Variants in ERBIN observed in about 807,000 individuals in gnomAD.
The protein encoded by ERBIN is densin-180-like protein.
ERBIN carries 60 observed loss-of-function variants against 158.4 expected under a neutral mutation model. That is an observed-to-expected ratio of 0.38 (90% CI 0.31 to 0.47). The LOEUF (loss-of-function observed/expected upper bound fraction) is 0.47. Among genes scored for constraint, ERBIN ranks in the 20% least tolerant of loss-of-function variants. The probability of loss-of-function intolerance (pLI) is 0.99; values close to 1 mark genes in which losing one functional copy is unlikely to be tolerated. For synonymous variants in ERBIN, 594 were observed against 557.2 expected (o/e 1.07, Z -0.93); for missense variants, 1,610 against 1,648.0 (o/e 0.98, Z 0.40).
At chr5:66,008,644 C>G (rs757534662) in intron 4 of ERBIN, among the ~76,000 whole-genome samples, 1 of 152,012 alleles carries the variant, frequency 6.6e-6, no homozygotes, top group African/African-American at 2.4e-5. Context: ...TTATCATGTA[C>G]TAAAAATACT....
chr5:66,034,548 A>G (rs988590519), intron 14 of ERBIN, among the ~76,000 whole-genome samples: 2 of 151,450 alleles, frequency 1.3e-5, no homozygotes, highest in Admixed American at 1.3e-4. Context: ...CGGCCTCCCA[A>G]AGTGCTGGGA....
In ERBIN at chr5:66,025,905, A is replaced by G. The variant is rs750295561; in HGVS notation, c.948A>G (p.Ser316=). 3 of 1,591,938 alleles carry G rather than the reference A, an allele frequency of 1.9e-6. No individual in the cohort carries two copies. The highest frequency in any genetic ancestry group is 2.6e-6 in the Non-Finnish European group (3 of 1,168,456). The change falls in exon 12 of 26, where the codon TCA becomes TCG. Residue 316 remains serine (S), a synonymous_variant. Coordinates refer to ENST00000284037, the MANE Select transcript of ERBIN (RefSeq NM_001253697.2). The part of the protein sequence containing the change: ...CSFNEVEALP[S]SIGQLTNLRT... ...TCAATGAAGTTGAAGCTTTGCCTTC[A>G]TCTATTGGGCAGCTTACTAACTTAA...
intron 1 of ERBIN, among the ~76,000 whole-genome samples, chr5:65,967,890 C>T (rs1431331669): frequency 6.6e-6 from 1 of 152,056 alleles, no homozygotes; most frequent in Non-Finnish European, 1.5e-5. Context: ...GGCCATGAGC[C>T]AGAGCACCTG....
chr5:65,985,385 C>T (rs531205939), intron 1 of ERBIN, among the ~76,000 whole-genome samples: 13 of 152,224 alleles, frequency 8.5e-5, no homozygotes, highest in East Asian at 1.9e-4. Context: ...CCACCACGCC[C>T]GGCCCGACAT....
chr5:65,931,692 G>A lies in ERBIN; in HGVS notation c.-58+4886G>A, dbSNP rs137901000. The stretch of plus-strand genomic sequence containing the variant: ...TGTTTGGCTTAATAGAAAACAGCTC[G>A]ATTCTCATATCTGCTTCTTCACTCC... On this transcript the variant is annotated intron_variant, in intron 1 of 25. Transcript: ENST00000284037. Among the ~76,000 whole-genome samples, 76 of 152,150 alleles carry A rather than the reference G, an allele frequency of 5.0e-4. 1 individual carries two copies. The highest frequency in any genetic ancestry group is 3.1e-3 in the East Asian group (16 of 5,182).
Position 65,926,703 on chromosome 5 carries a change from C to G in ERBIN, c.-161C>G, listed in dbSNP as rs1742690640. 1 of 151,886 alleles carries G rather than the reference C, an allele frequency of 6.6e-6. No individual in the cohort carries two copies. The highest frequency in any genetic ancestry group is 6.6e-5 in the Admixed American group (1 of 15,236). 9.4% of individuals were successfully genotyped at this position (151,886 alleles called of 1,614,324 possible). ...GAGGCCAGTCCACATCCGCTCTCAC[C>G]CGAGAGAGATATTCAGCTGGATCCA... On this transcript the variant is annotated 5_prime_UTR_variant, in exon 1 of 26. Coordinates refer to ENST00000284037, the MANE Select transcript of ERBIN (RefSeq NM_001253697.2).
At chr5:66,012,649 A>T (rs1356825468) in intron 5 of ERBIN, among the ~76,000 whole-genome samples, 1 of 152,234 alleles carries the variant, frequency 6.6e-6, no homozygotes, top group Non-Finnish European at 1.5e-5. Flanking sequence ...CCTGGCACCA[A>T]GGCTGTTAAG....
Position 66,038,499 on chromosome 5 carries a change from C to T in ERBIN, c.1306+17C>T, listed in dbSNP as rs747848043. 3.2e-5 allele frequency: 49 copies of T among 1,549,264 alleles called. No homozygotes were observed. Among genetic ancestry groups the T allele is most frequent in the African/African-American group, 1.1e-4 (8 of 72,570 alleles). On this transcript the variant is annotated intron_variant, in intron 15 of 25. Transcript: ENST00000284037. Reference sequence around the variant, plus strand: ...CTGAGGATGGTAGGAATTTCATAATCGATTTTCTTGTTAAAAACAAATACT... The same window carrying T: ...CTGAGGATGGTAGGAATTTCATAATTGATTTTCTTGTTAAAAACAAATACT...
At chr5:65,948,761 C>CTTTTT (rs1561282947) in intron 1 of ERBIN, among the ~76,000 whole-genome samples, 1 of 44,422 alleles carries the variant, frequency 2.3e-5, no homozygotes, top group African/African-American at 7.8e-5. Flanking sequence ...TTCTGTTTTG[C>CTTTTT]GTTTTTTTTT....
Position 65,963,071 on chromosome 5 carries a change from A to C in ERBIN, c.-57-25564A>C, listed in dbSNP as rs1748093454. 2.0e-5 allele frequency among the ~76,000 whole-genome samples: 3 copies of C among 152,208 alleles called. No individual in the cohort carries two copies. In the South Asian group the frequency reaches 6.2e-4, roughly 31 times the overall value. On this transcript the variant is annotated intron_variant, in intron 1 of 25. Transcript: ENST00000284037. ...AGGTCATAATTCCATTATTCACAGA[A>C]GTTTCATCATGTGATTGATTACTTT... is the stretch of plus-strand genomic sequence containing the variant.
In ERBIN at chr5:66,024,464, T is replaced by C; in HGVS notation, c.817+14T>C. The C allele has an allele frequency of 6.4e-7, 1 of 1,572,232 alleles. No homozygotes were observed. Among genetic ancestry groups the C allele is most frequent in the Non-Finnish European group, 8.6e-7 (1 of 1,168,610 alleles). On this transcript the variant is annotated intron_variant, in intron 10 of 25. Transcript: ENST00000284037. ...CTGAGACTATTGGTTTGTATTGCTTTCAAATTCATGTAATTTTTATTAAAA... is the reference window on the plus strand; with the variant it reads ...CTGAGACTATTGGTTTGTATTGCTTCCAAATTCATGTAATTTTTATTAAAA...
intron 14 of ERBIN, among the ~76,000 whole-genome samples, chr5:66,032,404 T>G (rs1397148168): frequency 6.6e-6 from 1 of 152,160 alleles, no homozygotes; most frequent in Non-Finnish European, 1.5e-5. Flanking sequence ...ATAGGACACT[T>G]TCGGGGGAGT....
intron 21 of ERBIN, chr5:66,068,901 T>C (rs573605829): frequency 1.3e-6 from 2 of 1,535,546 alleles, no homozygotes; most frequent in East Asian, 2.4e-5. Context: ...GTCCTTTAAT[T>C]CCAATTTTAC....
rs2151323108 is a variant in ERBIN, at chr5:66,082,387, G to C, written c.*3857G>C. 1 of 152,282 alleles carries C rather than the reference G, an allele frequency of 6.6e-6. No homozygotes were observed. Among genetic ancestry groups the C allele is most frequent in the South Asian group, 2.1e-4 (1 of 4,830 alleles). The allele number at this position is 152,282 out of a possible 1,614,324, so 9.4% of individuals were successfully genotyped here. ...TAATGTAACAACCAGGGACAATGGT[G>C]ATCTGTCACGCATCTGCCCATCTAG... On this transcript the variant is annotated 3_prime_UTR_variant, in exon 26 of 26. Transcript: ENST00000284037.
In ERBIN at chr5:66,018,569, ATATTATATAATATATAT is replaced by A. The variant is rs1755264563; in HGVS notation, c.534-2749_534-2733del. On this transcript the variant is annotated intron_variant, in intron 7 of 25. Coordinates refer to ENST00000284037, the MANE Select transcript of ERBIN (RefSeq NM_001253697.2). ...TATTATATATTATATAATATATATT[ATATTATATAATATATAT>A]TATATAATATATATTATATATACAT... Among the ~76,000 whole-genome samples the A allele has an allele frequency of 4.4e-5, 2 of 45,258 alleles. 1 individual carries two copies. Among genetic ancestry groups the A allele is most frequent in the Non-Finnish European group, 6.9e-5 (2 of 28,792 alleles). The allele number at this position is 45,258 out of a possible 152,430, so 29.7% of individuals were successfully genotyped here.
At chr5:66,043,371 A>C (rs367605785) in intron 16 of ERBIN, among the ~76,000 whole-genome samples, 173 bp downstream of exon 16, 1 of 152,196 alleles carries the variant, frequency 6.6e-6, no homozygotes, top group East Asian at 1.9e-4. Flanking sequence ...GAATTTGGGA[A>C]CAATATAAAA....
chr5:65,972,569 T>C (rs1561314249), intron 1 of ERBIN, among the ~76,000 whole-genome samples: 1 of 151,486 alleles, frequency 6.6e-6, no homozygotes, highest in East Asian at 1.9e-4. Flanking sequence ...TTTGGTTAAG[T>C]AGAAGCTTAA....
At chr5:66,049,278 T>C (rs553450351) in intron 19 of ERBIN, among the ~76,000 whole-genome samples, 159 of 152,184 alleles carry the variant, frequency 1.0e-3, no homozygotes, top group African/African-American at 3.7e-3. Context: ...TCTTAGACTC[T>C]TAGAGATCTT....
At chr5:65,963,272 C>T (rs1242934672) in intron 1 of ERBIN, among the ~76,000 whole-genome samples, 1 of 152,148 alleles carries the variant, frequency 6.6e-6, no homozygotes, top group African/African-American at 2.4e-5. Context: ...TATTTGGAAA[C>T]TATTAACTGA....
Sources: gnomAD v4.1 joint callset for allele counts (sites outside exome capture counted in the v4.1 genomes callset) on GRCh38, gnomAD v4.1.1 for gene constraint, MANE v1.5 for transcripts, NCBI Gene and HGNC (gene_info 2026-07-23, HGNC 2026-07-21) for gene names.